Variants in PDE7B observed in about 807,000 individuals in gnomAD.
PDE7B encodes the protein phosphodiesterase 7B, also known as 3',5'-cyclic-AMP phosphodiesterase 7B.
Under a neutral mutation model 56.2 loss-of-function variants are expected in PDE7B, and 29 were observed. The ratio of observed to expected loss-of-function variants is 0.52; its 90% confidence interval spans 0.38 to 0.70. The LOEUF is 0.70. Ranked by LOEUF, PDE7B falls within the 30% of genes least tolerant of loss-of-function variation. The probability of loss-of-function intolerance (pLI) is 0.00; values close to 1 mark genes in which losing one functional copy is unlikely to be tolerated. For synonymous variants in PDE7B, 197 were observed against 196.9 expected, an observed-to-expected ratio of 1.00 and a Z score of 0.00; for missense variants, 490 against 565.0, an observed-to-expected ratio of 0.87 and a Z score of 1.35.
Position 135,851,783 on chromosome 6 carries a change from T to A in PDE7B, c.-216T>A. 7.8e-6 allele frequency: 4 copies of A among 509,922 alleles called. No individual in the cohort carries two copies. Among genetic ancestry groups the A allele is most frequent in the Non-Finnish European group, 1.0e-5 (3 of 287,694 alleles). 31.6% of individuals were successfully genotyped at this position (509,922 alleles called of 1,614,324 possible). A position where few individuals can be genotyped will look rare whatever the true frequency, so the allele number is the denominator to read the frequency against. On this transcript the variant is annotated 5_prime_UTR_variant, in exon 1 of 13. Coordinates refer to ENST00000308191, the MANE Select transcript of PDE7B (RefSeq NM_018945.4). ...AGTGGTGTTACTCACCCAGGGAGAG[T>A]CTCTCTTTCTACCTTCCTTCTTTCT...
chr6:136,041,492 G>A (rs1776412101), intron 2 of PDE7B, among the ~76,000 whole-genome samples: 1 of 152,226 alleles, frequency 6.6e-6, no homozygotes, highest in East Asian at 1.9e-4. Context: ...CTTCAGACTG[G>A]CATGCTCTGC....
intron 1 of PDE7B, among the ~76,000 whole-genome samples, chr6:135,937,745 T>C (rs894256017): frequency 1.3e-5 from 2 of 152,146 alleles, no homozygotes; most frequent in Admixed American, 1.3e-4. Context: ...ACTGCCTCCA[T>C]CCTGCCCCAA....
intron 2 of PDE7B, among the ~76,000 whole-genome samples, chr6:135,971,475 G>A (rs1775093297): frequency 6.6e-6 from 1 of 152,092 alleles, no homozygotes; most frequent in Non-Finnish European, 1.5e-5. Flanking sequence ...CGTCAGAGAA[G>A]GAGTCAATTT....
intron 3 of PDE7B, among the ~76,000 whole-genome samples, chr6:136,135,344 T>C (rs978292733): frequency 1.3e-5 from 2 of 152,092 alleles, no homozygotes; most frequent in Non-Finnish European, 2.9e-5. Context: ...AGATGTTTTG[T>C]TGTATGTGTT....
In PDE7B at chr6:135,896,749, C is replaced by T. The variant is rs112311785; in HGVS notation, c.21+44730C>T. On this transcript the variant is annotated intron_variant, in intron 1 of 12. Coordinates refer to ENST00000308191, the MANE Select transcript of PDE7B (RefSeq NM_018945.4). ...GTCTGGCTCCCAAGTCAATGTTCAA[C>T]GCACCAAACCTTAGACTACCCAACA... Among the ~76,000 whole-genome samples the T allele has an allele frequency of 1.9e-3, 290 of 152,230 alleles. 4 individuals are homozygous for T. Among genetic ancestry groups the T allele is most frequent in the African/African-American group, 6.2e-3 (256 of 41,550 alleles).
At position 135,934,940 on chromosome 6, in the gene PDE7B, TA is replaced by T. The variant is rs1230532682; in HGVS notation, c.22-12522del. Among the ~76,000 whole-genome samples the T allele has an allele frequency of 2.8e-3, 200 of 70,530 alleles. 4 individuals carry two copies. The highest frequency in any genetic ancestry group is 3.6e-3 in the Non-Finnish European group (137 of 38,424). 46.3% of individuals were successfully genotyped at this position (70,530 alleles called of 152,430 possible). A position where few individuals can be genotyped will look rare whatever the true frequency, so the allele number is the denominator to read the frequency against. On this transcript the variant is annotated intron_variant, in intron 1 of 12. Coordinates refer to ENST00000308191, the MANE Select transcript of PDE7B (RefSeq NM_018945.4). ...TTATTTAAATATATATTTAAATATA[TA>T]ATATATATTTATATATAATATATAT...
intron 3 of PDE7B, among the ~76,000 whole-genome samples, chr6:136,137,279 T>A (rs1778228157): frequency 6.6e-6 from 1 of 151,884 alleles, no homozygotes; most frequent in Admixed American, 6.6e-5. Flanking sequence ...AAAAAAAAAA[T>A]TCCTATAAAA....
chr6:135,855,792 C>T (rs1384990376), intron 1 of PDE7B, among the ~76,000 whole-genome samples: 1 of 152,134 alleles, frequency 6.6e-6, no homozygotes, highest in East Asian at 1.9e-4. Context: ...TGATACAAGC[C>T]AACAAGGTTC....
At chr6:136,008,204 G>A (rs1201731612) in intron 2 of PDE7B, among the ~76,000 whole-genome samples, 1 of 152,026 alleles carries the variant, frequency 6.6e-6, no homozygotes, top group African/African-American at 2.4e-5. Context: ...TGGTGTATAT[G>A]TGCCACATTT....
chr6:136,124,452 G>T (rs777858851), intron 3 of PDE7B, among the ~76,000 whole-genome samples: 9 of 152,148 alleles, frequency 5.9e-5, no homozygotes, highest in Non-Finnish European at 1.2e-4. Flanking sequence ...CTATGCAAAT[G>T]AAAGAACATT....
At chr6:136,169,452 A>G (rs1434753775) in intron 8 of PDE7B, among the ~76,000 whole-genome samples, 1 of 152,160 alleles carries the variant, frequency 6.6e-6, no homozygotes, top group Admixed American at 6.5e-5. Context: ...TTTCCTAAGT[A>G]TCCTTTTATT....
chr6:136,020,987 C>T (rs1018346770), intron 2 of PDE7B, among the ~76,000 whole-genome samples: 30 of 152,166 alleles, frequency 2.0e-4, no homozygotes, highest in African/African-American at 6.8e-4. Flanking sequence ...GCAAGAGCTA[C>T]GTCTTTCTGA....
chr6:135,909,007 G>A (rs1344102255), intron 1 of PDE7B, among the ~76,000 whole-genome samples: 1 of 152,144 alleles, frequency 6.6e-6, no homozygotes, highest in African/African-American at 2.4e-5. Context: ...AGTGGATTTT[G>A]TTAGTTAAAG....
intron 1 of PDE7B, among the ~76,000 whole-genome samples, chr6:135,887,270 G>A (rs1583739647): frequency 6.6e-6 from 1 of 152,044 alleles, no homozygotes; most frequent in South Asian, 2.1e-4. Context: ...CTAGTCCTTT[G>A]TTGAATCCAT....
intron 2 of PDE7B, among the ~76,000 whole-genome samples, chr6:136,030,182 CTG>C (rs1184812825): frequency 2.0e-5 from 3 of 152,190 alleles, no homozygotes; most frequent in Admixed American, 1.3e-4. Flanking sequence ...ACACAGTGAA[CTG>C]TGTTTCCAAT....
At chr6:136,188,698 AAC>A (rs1491564372) in intron 12 of PDE7B, among the ~76,000 whole-genome samples, 1 of 152,158 alleles carries the variant, frequency 6.6e-6, no homozygotes, top group African/African-American at 2.4e-5. Context: ...TTGTCATGAG[AAC>A]ACACTTATTT....
chr6:135,908,129 C>T (rs1776148368), intron 1 of PDE7B, among the ~76,000 whole-genome samples: 1 of 151,596 alleles, frequency 6.6e-6, no homozygotes, highest in Non-Finnish European at 1.5e-5. Context: ...GCTCTTGTCG[C>T]CCAGGCTGAA....
intron 2 of PDE7B, among the ~76,000 whole-genome samples, chr6:136,006,553 G>A (rs1215663978): frequency 6.6e-6 from 1 of 152,044 alleles, no homozygotes; most frequent in Non-Finnish European, 1.5e-5. Flanking sequence ...AGAATGGGAT[G>A]TTTTTCCATT....
At position 136,023,425 on chromosome 6, in the gene PDE7B, T is replaced by C. The variant is rs558942127; in HGVS notation, c.82+75901T>C. ...CCTTGGATCATTTTATCTAAAGCTT[T>C]CATGTAGCAAAGGGGCCACCAAATC... On this transcript the variant is annotated intron_variant, in intron 2 of 12. Transcript: ENST00000308191. Among the ~76,000 whole-genome samples, 11 of 152,304 alleles carry C rather than the reference T, an allele frequency of 7.2e-5. No individual in the cohort carries two copies. The South Asian group carries it at 2.3e-3, about 32-fold the overall frequency.
Sources: gnomAD v4.1 joint callset for allele counts (sites outside exome capture counted in the v4.1 genomes callset) on GRCh38, gnomAD v4.1.1 for gene constraint, MANE v1.5 for transcripts, NCBI Gene and HGNC (gene_info 2026-07-23, HGNC 2026-07-21) for gene names.